SCARB1: variants seen among roughly 807,000 people sequenced by gnomAD.
SCARB1 encodes the protein CD36 and LIMPII analogous 1.
Under a neutral mutation model 57.2 loss-of-function variants are expected in SCARB1, and 30 were observed. The ratio of observed to expected loss-of-function variants is 0.52; its 90% CI spans 0.39 to 0.71. SCARB1 has a LOEUF of 0.71. Among genes scored for constraint, SCARB1 ranks in the 30% least tolerant of loss-of-function variants. The pLI is 0.00. For missense variants in SCARB1, 543 were observed against 671.2 expected (o/e 0.81, Z 2.11); for synonymous variants, 249 against 268.3 (o/e 0.93, Z 0.70).
Position 124,800,021 on chromosome 12 carries a change from C to A in SCARB1, c.1128+103G>T. The A allele has an allele frequency of 1.1e-6, 1 of 887,858 alleles. No homozygotes were observed. Among genetic ancestry groups the A allele is most frequent in the Middle Eastern group, 3.3e-4 (1 of 3,024 alleles). 55.0% of individuals were successfully genotyped at this position (887,858 alleles called of 1,614,324 possible). A position where few individuals can be genotyped will look rare whatever the true frequency, so the allele number is the denominator to read the frequency against. On this transcript the variant is annotated intron_variant, in intron 8 of 12. Transcript: ENST00000261693. The surrounding 1 kb of genome is among the most constrained non-coding windows in gnomAD (Gnocchi z 4.8). The stretch of plus-strand genomic sequence containing the variant: ...GAGATTCTAGAAGCCAGGCTTCCCA[C>A]CACCCCAGCCCACAGCAGCTCTCTG...
chr12:124,811,085 CATG>C (rs1442585592), intron 5 of SCARB1, among the ~76,000 whole-genome samples: 1 of 152,192 alleles, frequency 6.6e-6, no homozygotes, highest in African/African-American at 2.4e-5. Flanking sequence ...AGTATGATTT[CATG>C]ATGTTCAAAG....
At chr12:124,834,110 C>A (rs1486483219) in intron 1 of SCARB1, among the ~76,000 whole-genome samples, 4 of 152,244 alleles carry the variant, frequency 2.6e-5, no homozygotes, top group African/African-American at 9.6e-5. Flanking sequence ...CCAGCTTCAT[C>A]CTCAGCCACA....
intron 1 of SCARB1, among the ~76,000 whole-genome samples, chr12:124,848,969 G>C (rs1272162765): frequency 6.6e-6 from 1 of 152,192 alleles, no homozygotes; most frequent in Non-Finnish European, 1.5e-5. Context: ...CTTGACACTT[G>C]CCGAGCTGCT....
chr12:124,779,229 GT>G (rs1872925359), intron 12 of SCARB1, among the ~76,000 whole-genome samples: 2 of 152,186 alleles, frequency 1.3e-5, no homozygotes, highest in South Asian at 4.1e-4. Flanking sequence ...GATTCCAGGC[GT>G]GAGACACCAT....
At chr12:124,856,735 G>A (rs1356074219) in intron 1 of SCARB1, among the ~76,000 whole-genome samples, 1 of 152,118 alleles carries the variant, frequency 6.6e-6, no homozygotes. Context: ...GGAGACACTG[G>A]GCCTCCCCCC....
intron 9 of SCARB1, among the ~76,000 whole-genome samples, chr12:124,791,166 G>T (rs1156988596): frequency 6.6e-6 from 1 of 152,238 alleles, no homozygotes; most frequent in African/African-American, 2.4e-5. Flanking sequence ...ACTCCCCTGG[G>T]AGAGGGCTCT....
At chr12:124,832,801 C>T (rs1489054041) in intron 1 of SCARB1, among the ~76,000 whole-genome samples, 1 of 152,130 alleles carries the variant, frequency 6.6e-6, no homozygotes. Context: ...ATGTTAATGA[C>T]CTGGCTTTAA....
At chr12:124,846,443 G>A (rs768259418) in intron 1 of SCARB1, among the ~76,000 whole-genome samples, 3 of 152,144 alleles carry the variant, frequency 2.0e-5, no homozygotes, top group Admixed American at 6.5e-5. Flanking sequence ...CACAGTCACC[G>A]GCATCAGGGT....
chr12:124,811,829 C>A, intron 5 of SCARB1, 41 bp downstream of exon 5: 1 of 1,461,596 alleles, frequency 6.8e-7, no homozygotes, highest in East Asian at 2.4e-5. Context: ...CCCACCCTCC[C>A]CTCTCCCTGG....
intron 1 of SCARB1, among the ~76,000 whole-genome samples, chr12:124,820,388 C>T (rs114477944): frequency 8.2e-4 from 125 of 152,228 alleles, no homozygotes; most frequent in African/African-American, 3.0e-3. Context: ...TCCGGGAGGT[C>T]TTCCTGGGGG....
At chr12:124,790,461 G>A (rs1401237499) in intron 9 of SCARB1, among the ~76,000 whole-genome samples, 1 of 152,186 alleles carries the variant, frequency 6.6e-6, no homozygotes, top group African/African-American at 2.4e-5. Context: ...TCTAGAAGCT[G>A]TAAACGGCAA....
At chr12:124,818,627 G>A (rs1950829389) in intron 1 of SCARB1, among the ~76,000 whole-genome samples, 1 of 151,888 alleles carries the variant, frequency 6.6e-6, no homozygotes, top group Non-Finnish European at 1.5e-5. Flanking sequence ...CATCACGCCT[G>A]GCTAATTTTT....
At chr12:124,779,723 G>C (rs1014246591) in intron 12 of SCARB1, among the ~76,000 whole-genome samples, 8 of 152,122 alleles carry the variant, frequency 5.3e-5, no homozygotes, top group Admixed American at 4.6e-4. Context: ...CCCTTGCCCT[G>C]AGCAACAGAG....
chr12:124,822,081 G>A lies in SCARB1; in HGVS notation c.127-4374C>T, dbSNP rs1950975088. ...CCTTTGAGCCCAGGAAGGCTGCCTG[G>A]AGGAGGGGACATCTGAGCTGGGAAT... On this transcript the variant is annotated intron_variant, in intron 1 of 12. Transcript: ENST00000261693. This position sits in a 1 kb window ranked among gnomAD's most constrained non-coding sequence, Gnocchi z 5.0. Among the ~76,000 whole-genome samples the A allele has an allele frequency of 6.6e-6, 1 of 152,224 alleles. No individual in the cohort carries two copies. Among genetic ancestry groups the A allele is most frequent in the Admixed American group, 6.5e-5 (1 of 15,290 alleles).
At chr12:124,837,871 C>T (rs1951755607) in intron 1 of SCARB1, among the ~76,000 whole-genome samples, 1 of 152,188 alleles carries the variant, frequency 6.6e-6, no homozygotes, top group Admixed American at 6.5e-5. Context: ...CCCTGCCCCC[C>T]AGCCTGGGTG....
In SCARB1 at chr12:124,777,323, G is replaced by GA. The variant is rs1209525599; in HGVS notation, c.*1263dup. 1 of 152,198 alleles carries GA rather than the reference G, an allele frequency of 6.6e-6. No individual in the cohort carries two copies. The highest frequency in any genetic ancestry group is 1.5e-5 in the Non-Finnish European group (1 of 68,036). The allele number at this position is 152,198 out of a possible 1,614,324, so 9.4% of individuals were successfully genotyped here. The stretch of plus-strand genomic sequence containing the variant: ...ACCAGGATTTGTAGATAAATGCACA[G>GA]AAACACATCCAGGGGGCCCCATGCA... On this transcript the variant is annotated 3_prime_UTR_variant, in exon 13 of 13. Transcript: ENST00000261693.
chr12:124,797,899 G>C (rs1949999940), intron 8 of SCARB1, among the ~76,000 whole-genome samples: 1 of 152,250 alleles, frequency 6.6e-6, no homozygotes, highest in South Asian at 2.1e-4. Context: ...CAAACGTGTG[G>C]AGCTTCCTCA....
rs1021525440 is a variant in SCARB1 at position 124,817,944 on chromosome 12, G to A, written c.127-237C>T. Among the ~76,000 whole-genome samples the A allele has an allele frequency of 6.6e-6, 1 of 152,206 alleles. No homozygotes were observed. Among genetic ancestry groups the A allele is most frequent in the Non-Finnish European group, 1.5e-5 (1 of 68,040 alleles). On this transcript the variant is annotated intron_variant, in intron 1 of 12. Transcript: ENST00000261693. The surrounding 1 kb of genome is among the most constrained non-coding windows in gnomAD (Gnocchi z 4.8). The stretch of plus-strand genomic sequence containing the variant: ...ATGCATCTTAAAATATGTCCTAACA[G>A]CAACAGGTGACACCAGTCAAGGGAC...
At chr12:124,845,240 G>A (rs967044289) in intron 1 of SCARB1, among the ~76,000 whole-genome samples, 60 of 152,254 alleles carry the variant, frequency 3.9e-4, no homozygotes, top group African/African-American at 1.3e-3. Flanking sequence ...CCACAGAGGC[G>A]CGGAAAAACA....
Sources: allele counts gnomAD v4.1 joint callset (sites outside exome capture counted in the v4.1 genomes callset), GRCh38; gene constraint gnomAD v4.1.1; non-coding constraint Gnocchi (gnomAD v3.1); transcripts MANE v1.5; gene names NCBI Gene and HGNC (gene_info 2026-07-23, HGNC 2026-07-21).